OTC: variants seen among roughly 807,000 people sequenced by gnomAD.
OTC encodes the protein ornithine transcarbamylase.
Under a neutral mutation model 30.3 loss-of-function variants are expected in OTC, and 3 were observed. That is an observed-to-expected ratio of 0.10 (90% CI 0.05 to 0.26). OTC has a LOEUF of 0.26. Among genes scored for constraint, OTC ranks in the 10% least tolerant of loss-of-function variants. OTC has a pLI of 1.00. For missense variants in OTC, 194 were observed against 260.3 expected, an observed-to-expected ratio of 0.75 and a Z score of 1.75; for synonymous variants, 111 against 99.7, an observed-to-expected ratio of 1.11 and a Z score of -0.67.
intron 6 of OTC, 61 bp from the exon 7 acceptor site, chrX:38,408,681 T>C: frequency 1.3e-6 from 1 of 756,577 alleles, no homozygotes; most frequent in Non-Finnish European, 2.0e-6. Context: ...AAATAATATA[T>C]ATTTAAGAAA....
chrX:38,350,686 T>A (rs4827093), upstream of OTC, among the ~76,000 whole-genome samples: 31,456 of 110,474 alleles, frequency 0.28, 3,617 homozygotes, highest in East Asian at 0.6. Flanking sequence ...GTATCTTAAC[T>A]TTTTTTTAGT....
chrX:38,401,595 T>C (rs1489905609), intron 5 of OTC, among the ~76,000 whole-genome samples, 167 bp downstream of exon 5: 1 of 112,270 alleles, frequency 8.9e-6, no homozygotes, highest in South Asian at 3.7e-4. Context: ...CAGGACATTG[T>C]TAAAAACAGA....
At chrX:38,370,844 A>G (rs1489516571) in intron 3 of OTC, among the ~76,000 whole-genome samples, 1 of 111,278 alleles carries the variant, frequency 9.0e-6, no homozygotes, top group Non-Finnish European at 1.9e-5. Flanking sequence ...TTACAACAAT[A>G]TATCTCTTGG....
At chrX:38,348,080 A>G (rs766834505), upstream of OTC, among the ~76,000 whole-genome samples, 1 of 112,442 alleles carries the variant, frequency 8.9e-6, no homozygotes, top group South Asian at 3.7e-4. Flanking sequence ...AAATCCTAGC[A>G]TCTCATTAAC....
intron 2 of OTC, among the ~76,000 whole-genome samples, chrX:38,369,188 A>G (rs1214571142): frequency 9.0e-6 from 1 of 111,530 alleles, no homozygotes; most frequent in East Asian, 2.8e-4. Flanking sequence ...AATAGAGTTA[A>G]GTAAGAAGGT....
intron 2 of OTC, among the ~76,000 whole-genome samples, chrX:38,367,894 T>G (rs2068304805): frequency 9.0e-6 from 1 of 110,527 alleles, no homozygotes; most frequent in South Asian, 3.9e-4. Flanking sequence ...ATTTTTGTAT[T>G]TTTAGTAGAG....
At chrX:38,393,300 G>A (rs1239009863) in intron 4 of OTC, among the ~76,000 whole-genome samples, 1 of 112,047 alleles carries the variant, frequency 8.9e-6, no homozygotes, top group Non-Finnish European at 1.9e-5. Flanking sequence ...TCTTACAAAG[G>A]AAAAAATACA....
At chrX:38,356,824 TG>T (rs1319518043) in intron 1 of OTC, among the ~76,000 whole-genome samples, 1 of 111,721 alleles carries the variant, frequency 9.0e-6, no homozygotes, top group Non-Finnish European at 1.9e-5. Flanking sequence ...ATATCACATA[TG>T]GGTATGTGGC....
At chrX:38,414,481 G>A (rs781648823) in intron 9 of OTC, among the ~76,000 whole-genome samples, 2 of 111,468 alleles carry the variant, frequency 1.8e-5, no homozygotes, top group South Asian at 3.8e-4. Flanking sequence ...AGACAGAATC[G>A]TGTTAAAATG....
At chrX:38,389,428 T>C (rs771428273) in intron 4 of OTC, among the ~76,000 whole-genome samples, 2 of 111,204 alleles carry the variant, frequency 1.8e-5, no homozygotes, top group Non-Finnish European at 3.8e-5. Flanking sequence ...AATACTGTTA[T>C]TCAGGTATTT....
the OTC span, among the ~76,000 whole-genome samples, chrX:38,335,127 C>CTA: frequency 2.7e-5 from 3 of 112,028 alleles, no homozygotes; most frequent in Non-Finnish European, 5.6e-5. Flanking sequence ...GGCCACTGCC[C>CTA]TAGGGGACAT....
intron 4 of OTC, 28 bp downstream of exon 4, chrX:38,381,457 G>A (rs759107718): frequency 1.0e-6 from 1 of 960,633 alleles, no homozygotes; most frequent in East Asian, 3.1e-5. Context: ...TCTCTCCAAA[G>A]CTGATTTCAG....
intron 5 of OTC, among the ~76,000 whole-genome samples, chrX:38,401,651 C>T (rs1367123191): frequency 5.4e-5 from 6 of 111,723 alleles, no homozygotes; most frequent in African/African-American, 1.9e-4. Flanking sequence ...ACCCTTTTAG[C>T]CCATATCTCA....
intron 3 of OTC, among the ~76,000 whole-genome samples, chrX:38,377,249 A>T (rs1172196838): frequency 1.8e-5 from 2 of 112,161 alleles, no homozygotes; most frequent in Non-Finnish European, 3.8e-5. Context: ...AAGAAAATTT[A>T]AATAGTTCTT....
intron 4 of OTC, among the ~76,000 whole-genome samples, chrX:38,391,186 T>C (rs1293909446): frequency 9.1e-6 from 1 of 110,024 alleles, no homozygotes. Context: ...TAGGTGGGAA[T>C]TGAACAATGA....
intron 1 of OTC, among the ~76,000 whole-genome samples, chrX:38,364,952 C>T (rs1465906044): frequency 8.9e-6 from 1 of 112,252 alleles, no homozygotes; most frequent in Non-Finnish European, 1.9e-5. Flanking sequence ...TTAAATGAAC[C>T]AATCAACTCT....
intron 1 of OTC, among the ~76,000 whole-genome samples, chrX:38,366,401 C>A (rs932752981): frequency 1.8e-5 from 2 of 111,188 alleles, no homozygotes; most frequent in Non-Finnish European, 3.8e-5. Flanking sequence ...AAAGTTACAG[C>A]GTCCATTGTA....
the OTC span, among the ~76,000 whole-genome samples, chrX:38,329,616 G>A: frequency 8.9e-6 from 1 of 111,855 alleles, no homozygotes; most frequent in Non-Finnish European, 1.9e-5. Flanking sequence ...AAAATTGAAA[G>A]TATCTCTGAT....
intron 1 of OTC, among the ~76,000 whole-genome samples, chrX:38,354,374 T>A (rs990830187): frequency 1.8e-5 from 2 of 112,270 alleles, no homozygotes; most frequent in South Asian, 7.3e-4. Context: ...TCTATAGCTT[T>A]TAACAAGGAA....
Sources: allele counts gnomAD v4.1 joint callset (sites outside exome capture counted in the v4.1 genomes callset), GRCh38; gene constraint gnomAD v4.1.1; transcripts MANE v1.5; gene names NCBI Gene and HGNC (gene_info 2026-07-23, HGNC 2026-07-21).